WNK2: variants seen among roughly 807,000 people sequenced by gnomAD.
The protein encoded by WNK2 is serine/threonine-protein kinase WNK2.
WNK2 carries 67 observed loss-of-function variants against 192.1 expected under a neutral mutation model. That is an observed-to-expected ratio of 0.35 (90% CI 0.29 to 0.43). WNK2 has a LOEUF of 0.43. Ranked by LOEUF, WNK2 falls within the 20% of genes least tolerant of loss-of-function variation. WNK2 has a pLI of 1.00. For synonymous variants in WNK2, 1,439 were observed against 1,393.9 expected, an observed-to-expected ratio of 1.03 and a Z score of -0.72; for missense variants, 2,698 against 3,089.7, an observed-to-expected ratio of 0.87 and a Z score of 3.01.
intron 2 of WNK2, among the ~76,000 whole-genome samples, chr9:93,194,890 A>G (rs560081147): frequency 9.8e-5 from 15 of 152,354 alleles, no homozygotes; most frequent in Non-Finnish European, 1.8e-4. Flanking sequence ...GAAATGAGCT[A>G]TGAAGACATG....
intron 29 of WNK2, chr9:93,319,487 G>A: frequency 3.4e-6 from 3 of 870,404 alleles, no homozygotes; most frequent in Non-Finnish European, 4.1e-6. Context: ...TTAGCTGGCT[G>A]GGCTGCCCAC....
At position 93,292,593 on chromosome 9, in the gene WNK2, A is replaced by C; in HGVS notation, c.5128A>C (p.Thr1710Pro). The change falls in exon 23 of 30, where the codon ACA (threonine) becomes CCA (proline). Residue 1710 changes from threonine to proline, a missense_variant. Physicochemically the swap from Thr to Pro is conservative, Grantham distance 38. Transcript: ENST00000427277. ...SAEPPPSDMG[T>P]VGGQASHPQT... ...AGAGCCCCCGCCGAGTGACATGGGC[A>C]CAGTGGGGGGCCAGGCTAGCCACCC... 2 of 1,580,458 alleles carry C rather than the reference A, an allele frequency of 1.3e-6. No homozygotes were observed. Among genetic ancestry groups the C allele is most frequent in the Non-Finnish European group, 1.7e-6 (2 of 1,161,438 alleles).
chr9:93,188,356 A>G (rs1374509702), intron 2 of WNK2, among the ~76,000 whole-genome samples: 1 of 152,140 alleles, frequency 6.6e-6, no homozygotes, highest in Admixed American at 6.5e-5. Context: ...GGCTTAGAGG[A>G]CATCTGATTT....
At chr9:93,226,226 G>T (rs1837794583) in intron 2 of WNK2, among the ~76,000 whole-genome samples, 1 of 152,194 alleles carries the variant, frequency 6.6e-6, no homozygotes, top group Non-Finnish European at 1.5e-5. Flanking sequence ...CCCTGGAGGT[G>T]GGGTGTTCAT....
chr9:93,297,901 C>G lies in WNK2; in HGVS notation c.5757C>G (p.Ile1919Met), dbSNP rs772790491. The G allele has an allele frequency of 9.4e-6, 15 of 1,593,610 alleles. No individual in the cohort carries two copies. Among genetic ancestry groups the G allele is most frequent in the Admixed American group, 1.7e-5 (1 of 57,404 alleles). ...TGCAGAGCCAGCAGAAGCAGGAGAT[C>G]GAAGCTCTGTACCGCCGCCTGGGCA... ...SELQSQQKQE[I>M]EALYRRLGKP... The change falls in exon 24 of 30, where the codon ATC becomes ATG. Residue 1919 changes from isoleucine to methionine, a missense_variant. Ile to Met is a conservative substitution (Grantham distance 10). Coordinates refer to ENST00000427277, the MANE Select transcript of WNK2 (RefSeq NM_006648.4).
intron 5 of WNK2, among the ~76,000 whole-genome samples, chr9:93,235,750 G>C (rs142203989): frequency 2.6e-5 from 4 of 152,326 alleles, no homozygotes; most frequent in Admixed American, 6.5e-5. Flanking sequence ...TGCAGTCCCT[G>C]CTGTCTCCAC....
chr9:93,233,701 CAA>C (rs34665591), intron 4 of WNK2, among the ~76,000 whole-genome samples: 5 of 100,280 alleles, frequency 5.0e-5, no homozygotes, highest in African/African-American at 2.0e-4. Flanking sequence ...GATTCCGTCT[CAA>C]AAAAAAAAAA....
Position 93,292,746 on chromosome 9 carries a change from T to TC in WNK2, c.5287dup (p.His1763ProfsTer123). 3 of 1,560,118 alleles carry TC rather than the reference T, an allele frequency of 1.9e-6. No homozygotes were observed. Among genetic ancestry groups the TC allele is most frequent in the Non-Finnish European group, 1.7e-6 (2 of 1,153,902 alleles). On this transcript the variant is annotated frameshift_variant, in exon 23 of 30. Coordinates refer to ENST00000427277, the MANE Select transcript of WNK2 (RefSeq NM_006648.4). LOFTEE classifies it high-confidence loss of function. ...CACTCAGGACGAGTGGACCCTGGCCTCCCCCCACAGCCTGAGATACTCTGC... is the reference window on the plus strand; with the variant it reads ...CACTCAGGACGAGTGGACCCTGGCCTCCCCCCCACAGCCTGAGATACTCTGC...
chr9:93,288,664 A>G, intron 19 of WNK2, 124 bp from the exon 20 acceptor site: 1 of 1,023,714 alleles, frequency 9.8e-7, no homozygotes, highest in Non-Finnish European at 1.4e-6. Flanking sequence ...CGTGTCGGGA[A>G]ACAGAGAAGA....
intron 29 of WNK2, 82 bp from the exon 30 acceptor site, chr9:93,320,284 TG>T: frequency 7.4e-7 from 1 of 1,354,166 alleles, no homozygotes; most frequent in African/African-American, 1.5e-5. Flanking sequence ...CGGCAGCTCC[TG>T]GGAGGGTGTC....
Position 93,299,056 on chromosome 9 carries a change from C to A in WNK2, c.5924-14C>A. The stretch of plus-strand genomic sequence containing the variant: ...CGCCTCATCGTGCCTGTCGCCTCTT[C>A]TCCCCCCGCCCAGGTCACTTGGCTG... On this transcript the variant is annotated splice_polypyrimidine_tract_variant and intron_variant, in intron 24 of 29. Coordinates refer to ENST00000427277, the MANE Select transcript of WNK2 (RefSeq NM_006648.4). 1.2e-6 allele frequency: 2 copies of A among 1,604,494 alleles called. No homozygotes were observed. Among genetic ancestry groups the A allele is most frequent in the South Asian group, 1.1e-5 (1 of 90,472 alleles).
At chr9:93,244,232 C>T (rs1248933926) in intron 7 of WNK2, among the ~76,000 whole-genome samples, 4 of 152,208 alleles carry the variant, frequency 2.6e-5, no homozygotes, top group Non-Finnish European at 5.9e-5. Context: ...CCTGAAGTCA[C>T]CTCTCAGCAA....
chr9:93,232,445 T>C (rs2132075255), intron 4 of WNK2, among the ~76,000 whole-genome samples: 1 of 152,308 alleles, frequency 6.6e-6, no homozygotes, highest in Middle Eastern at 3.4e-3. Flanking sequence ...GGAGAGCCCA[T>C]GCCCAGGGCT....
intron 19 of WNK2, among the ~76,000 whole-genome samples, chr9:93,278,131 T>G (rs542549579): frequency 1.3e-5 from 2 of 152,302 alleles, no homozygotes; most frequent in African/African-American, 4.8e-5. Context: ...CTCAGCCTAC[T>G]GCCTTGAAAA....
intron 4 of WNK2, among the ~76,000 whole-genome samples, chr9:93,234,427 C>T (rs1253166755): frequency 6.6e-6 from 1 of 152,194 alleles, no homozygotes; most frequent in Non-Finnish European, 1.5e-5. Context: ...GGTTTCTGAA[C>T]GTGGCTGCGG....
intron 23 of WNK2, among the ~76,000 whole-genome samples, chr9:93,295,370 C>G (rs1349484459): frequency 6.6e-6 from 1 of 152,116 alleles, no homozygotes; most frequent in Non-Finnish European, 1.5e-5. Flanking sequence ...TGCTCTGTCT[C>G]TCTGGTGTTT....
chr9:93,279,298 A>G (rs1463214574), intron 19 of WNK2, among the ~76,000 whole-genome samples: 1 of 152,266 alleles, frequency 6.6e-6, no homozygotes, highest in Non-Finnish European at 1.5e-5. Flanking sequence ...AAGCTGTTGT[A>G]TTTCTGTATG....
chr9:93,275,284 A>T (rs1481182033), intron 19 of WNK2, among the ~76,000 whole-genome samples: 1 of 152,186 alleles, frequency 6.6e-6, no homozygotes, highest in Non-Finnish European at 1.5e-5. Context: ...TGGGAGGCTG[A>T]GGCAGGAGGA....
At chr9:93,198,909 G>A (rs1009461656) in intron 2 of WNK2, among the ~76,000 whole-genome samples, 2 of 152,200 alleles carry the variant, frequency 1.3e-5, no homozygotes, top group Non-Finnish European at 2.9e-5. Context: ...CAGCTTTGGT[G>A]CAGTCTCGAG....
Sources: allele counts gnomAD v4.1 joint callset (sites outside exome capture counted in the v4.1 genomes callset), GRCh38; gene constraint gnomAD v4.1.1; transcripts MANE v1.5; gene names NCBI Gene and HGNC (gene_info 2026-07-23, HGNC 2026-07-21).